The following CAMKK2 variants were observed in gnomAD, a reference collection of about 807,000 sequenced individuals.
CAMKK2 encodes the protein calcium/calmodulin-dependent protein kinase kinase 2.
A neutral mutation model predicts 67.2 loss-of-function variants in CAMKK2; 30 were observed. That is an observed-to-expected ratio of 0.45 (90% CI 0.33 to 0.61). The LOEUF is 0.61. CAMKK2 is among the 20% of genes least tolerant of loss of function. The pLI, the probability that CAMKK2 is intolerant of heterozygous loss-of-function variation, is 0.02. For missense variants in CAMKK2, 643 were observed against 802.0 expected (o/e 0.80, Z 2.39); for synonymous variants, 322 against 326.2 (o/e 0.99, Z 0.14).
chr12:121,252,729 G>T lies in CAMKK2; in HGVS notation c.1108-15C>A. ...ACATCCAAGGCCTGCAAGAAAAAGA[G>T]CTTAGTGTGAGGGCATAAGGGGTGG... On this transcript the variant is annotated splice_polypyrimidine_tract_variant and intron_variant, in intron 10 of 16. Transcript: ENST00000404169. 6.2e-7 allele frequency: 1 copy of T among 1,614,046 alleles called. No homozygotes were observed. The highest frequency in any genetic ancestry group is 8.5e-7 in the Non-Finnish European group (1 of 1,179,882).
chr12:121,296,508 C>A lies in CAMKK2; in HGVS notation c.-60+130G>T, dbSNP rs1229165775. The A allele has an allele frequency of 6.6e-6, 1 of 151,960 alleles. No homozygotes were observed. The highest frequency in any genetic ancestry group is 1.5e-5 in the Non-Finnish European group (1 of 67,962). The allele number at this position is 151,960 out of a possible 1,614,324, so 9.4% of individuals were successfully genotyped here. ...ACGTGGGGTCCCTCCGTGTTGGGAG[C>A]CCCAGGCCAGCCTCCGGGCTTTGTG... On this transcript the variant is annotated intron_variant, in intron 1 of 16. Transcript: ENST00000404169. The surrounding 1 kb of genome is among the most constrained non-coding windows in gnomAD (Gnocchi z 7.1).
chr12:121,239,923 G>A lies in CAMKK2; in HGVS notation c.*776C>T, dbSNP rs1888047799. 6.4e-6 allele frequency: 1 copy of A among 155,980 alleles called. No homozygotes were observed. Among genetic ancestry groups the A allele is most frequent in the Non-Finnish European group, 1.4e-5 (1 of 70,202 alleles). 9.7% of individuals were successfully genotyped at this position (155,980 alleles called of 1,614,324 possible). ...TGAAGTTTTCGTAATTTGACAAAGAGATTTACCAGAGCTCGGTCAGCTATC... is the reference window on the plus strand; with the variant it reads ...TGAAGTTTTCGTAATTTGACAAAGAAATTTACCAGAGCTCGGTCAGCTATC... On this transcript the variant is annotated 3_prime_UTR_variant, in exon 17 of 17. Coordinates refer to ENST00000404169, the MANE Select transcript of CAMKK2 (RefSeq NM_001270485.2).
In CAMKK2 at chr12:121,270,881, G is replaced by A. The variant is rs756470463; in HGVS notation, c.519+17C>T. 1.9e-6 allele frequency: 3 copies of A among 1,606,518 alleles called. No homozygotes were observed. The East Asian group carries it at 6.7e-5, about 36-fold the overall frequency. On this transcript the variant is annotated intron_variant, in intron 3 of 16. Coordinates refer to ENST00000404169, the MANE Select transcript of CAMKK2 (RefSeq NM_001270485.2). ...CTGGTGAATGCAGAAAGCCAGCCTA[G>A]CCCCAGGGATATTTACCTTTCCAAT... is the stretch of plus-strand genomic sequence containing the variant.
intron 1 of CAMKK2, among the ~76,000 whole-genome samples, chr12:121,281,353 C>T (rs1002339726): frequency 1.3e-5 from 2 of 152,222 alleles, no homozygotes; most frequent in African/African-American, 4.8e-5. Flanking sequence ...GAGGTTGCCT[C>T]ATCCCGGGCA....
At chr12:121,242,824 G>A (rs367610473) in intron 16 of CAMKK2, among the ~76,000 whole-genome samples, 130 of 151,910 alleles carry the variant, frequency 8.6e-4, no homozygotes, top group African/African-American at 3.1e-3. Flanking sequence ...CTCACTGCAA[G>A]CTCCGCCTCC....
chr12:121,254,234 G>T (rs1022272219), intron 9 of CAMKK2, among the ~76,000 whole-genome samples: 2 of 152,170 alleles, frequency 1.3e-5, no homozygotes, highest in Middle Eastern at 3.2e-3. Flanking sequence ...AAGGCAGGGG[G>T]ATCACCTGAG....
At chr12:121,260,388 G>C in intron 6 of CAMKK2, 33 bp from the exon 7 acceptor site, 1 of 1,600,604 alleles carries the variant, frequency 6.2e-7, no homozygotes, top group Non-Finnish European at 8.5e-7. Context: ...GGCAGGAGAC[G>C]GATGGCGGGG....
intron 16 of CAMKK2, 131 bp downstream of exon 16, chr12:121,244,442 G>T: frequency 1.1e-6 from 1 of 882,996 alleles, no homozygotes; most frequent in Middle Eastern, 3.5e-4. Context: ...GAGGCCCGCG[G>T]TGAGCCGGGC....
intron 5 of CAMKK2, 138 bp downstream of exon 5, chr12:121,268,500 T>G: frequency 1.2e-6 from 1 of 808,210 alleles, no homozygotes; most frequent in Non-Finnish European, 2.1e-6. Flanking sequence ...GTTCAAGCAA[T>G]TCTTGTGCCT....
At chr12:121,271,301 T>C (rs879591309) in intron 2 of CAMKK2, among the ~76,000 whole-genome samples, 19 of 143,396 alleles carry the variant, frequency 1.3e-4, no homozygotes, top group Non-Finnish European at 1.8e-4. Context: ...AGTTTGCAAC[T>C]AGATACATTT....
intron 1 of CAMKK2, among the ~76,000 whole-genome samples, chr12:121,276,501 C>T (rs1156370788): frequency 1.3e-5 from 2 of 152,112 alleles, no homozygotes; most frequent in African/African-American, 4.8e-5. Flanking sequence ...ATTAACACAT[C>T]CCCTTAGGCT....
At chr12:121,242,743 T>G (rs1423021745) in intron 16 of CAMKK2, among the ~76,000 whole-genome samples, 1 of 151,634 alleles carries the variant, frequency 6.6e-6, no homozygotes, top group Non-Finnish European at 1.5e-5. Flanking sequence ...CCATTTCTTT[T>G]TCTTTTCTTT....
chr12:121,294,589 G>C (rs550288508), intron 1 of CAMKK2, among the ~76,000 whole-genome samples: 4 of 152,276 alleles, frequency 2.6e-5, no homozygotes, highest in Admixed American at 2.6e-4. Flanking sequence ...CAGGGTCTCT[G>C]CTCTTGAACA....
At position 121,240,263 on chromosome 12, in the gene CAMKK2, CT is replaced by C. The variant is rs1888097412; in HGVS notation, c.*435del. 3.1e-6 allele frequency: 2 copies of C among 646,394 alleles called. No individual in the cohort carries two copies. Among genetic ancestry groups the C allele is most frequent in the African/African-American group, 3.7e-5 (2 of 54,704 alleles). The allele number at this position is 646,394 out of a possible 1,614,324, so 40.0% of individuals were successfully genotyped here. A position where few individuals can be genotyped will look rare whatever the true frequency, so the allele number is the denominator to read the frequency against. On this transcript the variant is annotated 3_prime_UTR_variant, in exon 17 of 17. Coordinates refer to ENST00000404169, the MANE Select transcript of CAMKK2 (RefSeq NM_001270485.2). The surrounding 1 kb of genome is among the most constrained non-coding windows in gnomAD (Gnocchi z 4.4). ...TGCACTAGGAGCCACATCTAGCCCC[CT>C]ACTCCCTCTCAAATGCAGCAACCAC...
chr12:121,275,568 A>G (rs1435985527), intron 1 of CAMKK2, among the ~76,000 whole-genome samples: 1 of 152,046 alleles, frequency 6.6e-6, no homozygotes, highest in Non-Finnish European at 1.5e-5. Context: ...TATTATGCTA[A>G]CTGAAGGAAG....
intron 9 of CAMKK2, among the ~76,000 whole-genome samples, chr12:121,254,242 G>A (rs968461022): frequency 3.3e-5 from 5 of 152,060 alleles, no homozygotes; most frequent in African/African-American, 1.2e-4. Context: ...GGGATCACCT[G>A]AGGTCAGGAG....
intron 9 of CAMKK2, among the ~76,000 whole-genome samples, chr12:121,255,250 TTA>T (rs1491374434): frequency 9.6e-4 from 37 of 38,366 alleles, no homozygotes; most frequent in African/African-American, 2.0e-3. Flanking sequence ...ATATATATAA[TTA>T]TATATATAAT....
At position 121,240,316 on chromosome 12, in the gene CAMKK2, T is replaced by C; in HGVS notation, c.*383A>G. 1.0e-6 allele frequency: 1 copy of C among 972,776 alleles called. No individual in the cohort carries two copies. Among genetic ancestry groups the C allele is most frequent in the Non-Finnish European group, 1.5e-6 (1 of 673,026 alleles). 60.3% of individuals were successfully genotyped at this position (972,776 alleles called of 1,614,324 possible). A position where few individuals can be genotyped will look rare whatever the true frequency, so the allele number is the denominator to read the frequency against. ...TCCATGGCCTCAGACCGCCGGAGTT[T>C]TCTGCTCGCCTTTCCACAGTTGTCA... On this transcript the variant is annotated 3_prime_UTR_variant, in exon 17 of 17. Coordinates refer to ENST00000404169, the MANE Select transcript of CAMKK2 (RefSeq NM_001270485.2). The surrounding 1 kb of genome is among the most constrained non-coding windows in gnomAD (Gnocchi z 4.4).
chr12:121,276,496 C>T (rs1896836754), intron 1 of CAMKK2, among the ~76,000 whole-genome samples: 1 of 152,122 alleles, frequency 6.6e-6, no homozygotes, highest in Admixed American at 6.6e-5. Context: ...AAAAGATTAA[C>T]ACATCCCCTT....
Sources: gnomAD v4.1 joint callset for allele counts (sites outside exome capture counted in the v4.1 genomes callset) on GRCh38, gnomAD v4.1.1 for gene constraint, Gnocchi (gnomAD v3.1) non-coding constraint, MANE v1.5 for transcripts, NCBI Gene and HGNC (gene_info 2026-07-23, HGNC 2026-07-21) for gene names.